Variants in WDFY3 observed in about 807,000 individuals in gnomAD.
The protein encoded by WDFY3 is WD repeat and FYVE domain containing 3, also known as WD repeat and FYVE domain-containing protein 3.
Under a neutral mutation model 409.6 loss-of-function variants are expected in WDFY3, and 66 were observed. That is an observed-to-expected ratio of 0.16 (90% confidence interval 0.13 to 0.20). The LOEUF is 0.20. Among genes scored for constraint, WDFY3 ranks in the 10% least tolerant of loss-of-function variants. WDFY3 has a pLI of 1.00. For synonymous variants in WDFY3, 1,521 were observed against 1,537.1 expected (o/e 0.99, Z 0.25); for missense variants, 3,031 against 4,298.1 (o/e 0.71, Z 8.24).
rs933038872 is a variant in WDFY3 at position 84,893,988 on chromosome 4, C to CA, written c.-32+2922dup. The stretch of plus-strand genomic sequence containing the variant: ...TGGGCGACAGAGCAAGACTCCGTCT[C>CA]AAAAAAAAAAAAAATTAGAAAAAGG... On this transcript the variant is annotated intron_variant, in intron 3 of 67. Coordinates refer to ENST00000295888, the MANE Select transcript of WDFY3 (RefSeq NM_014991.6). 2.2e-3 allele frequency among the ~76,000 whole-genome samples: 251 copies of CA among 116,518 alleles called. 1 individual carries two copies. The highest frequency in any genetic ancestry group is 7.1e-3 in the East Asian group (29 of 4,086). 76.4% of individuals were successfully genotyped at this position (116,518 alleles called of 152,430 possible).
intron 2 of WDFY3, among the ~76,000 whole-genome samples, chr4:84,915,586 C>A (rs1245819557): frequency 6.6e-6 from 1 of 152,166 alleles, no homozygotes; most frequent in Non-Finnish European, 1.5e-5. Context: ...AAGTTAAACT[C>A]ACAAACACTC....
intron 17 of WDFY3, among the ~76,000 whole-genome samples, chr4:84,800,684 T>G (rs1560793142): frequency 6.6e-6 from 1 of 152,110 alleles, no homozygotes; most frequent in Non-Finnish European, 1.5e-5. Context: ...TGGAAGACAA[T>G]TTTTTCACAG....
chr4:84,873,970 G>T (rs1013401226), intron 3 of WDFY3, among the ~76,000 whole-genome samples: 1 of 151,570 alleles, frequency 6.6e-6, no homozygotes, highest in Non-Finnish European at 1.5e-5. Context: ...TTGTAGAGAT[G>T]GAGTTTCGCC....
chr4:84,675,721 A>G (rs1726159242), intron 67 of WDFY3, among the ~76,000 whole-genome samples: 1 of 152,186 alleles, frequency 6.6e-6, no homozygotes, highest in African/African-American at 2.4e-5. Context: ...GCTTTCTATG[A>G]AAGCATCTCT....
chr4:84,840,743 ATTT>A (rs34303681), intron 6 of WDFY3, among the ~76,000 whole-genome samples: 1 of 141,726 alleles, frequency 7.1e-6, no homozygotes, highest in South Asian at 2.3e-4. Flanking sequence ...CGCTCAGCTA[ATTT>A]TTTTTTTTTT....
chr4:84,848,186 T>C (rs1260249313), intron 5 of WDFY3, among the ~76,000 whole-genome samples: 1 of 150,420 alleles, frequency 6.6e-6, no homozygotes, highest in Non-Finnish European at 1.5e-5. Context: ...TAAAAATAGG[T>C]CTACCACAAG....
intron 36 of WDFY3, among the ~76,000 whole-genome samples, chr4:84,750,562 T>C (rs1292023053): frequency 6.6e-6 from 1 of 152,232 alleles, no homozygotes; most frequent in East Asian, 1.9e-4. Context: ...GATTTACTCT[T>C]TCATAAAACA....
intron 61 of WDFY3, among the ~76,000 whole-genome samples, chr4:84,690,191 G>A (rs1729021332): frequency 6.6e-6 from 1 of 152,086 alleles, no homozygotes; most frequent in Non-Finnish European, 1.5e-5. Context: ...TGAGTCAATA[G>A]CAAACATAAT....
intron 17 of WDFY3, among the ~76,000 whole-genome samples, chr4:84,799,571 T>C (rs1750132078): frequency 2.0e-5 from 3 of 152,160 alleles, no homozygotes. Context: ...AACACTGCTA[T>C]TACGAACTTA....
At position 84,682,364 on chromosome 4, in the gene WDFY3, T is replaced by G. The variant is rs577727342; in HGVS notation, c.9823+10A>C. 9.3e-6 allele frequency: 15 copies of G among 1,609,162 alleles called. No individual in the cohort carries two copies. The South Asian group carries it at 1.2e-4, about 13-fold the overall frequency. On this transcript the variant is annotated intron_variant, in intron 64 of 67. Transcript: ENST00000295888. Reference sequence around the variant, plus strand: ...AACGATTTGAGTCATTTTTAGAAAGTATTAAATACCTATTTGTGCTTCTGG... The same window carrying G: ...AACGATTTGAGTCATTTTTAGAAAGGATTAAATACCTATTTGTGCTTCTGG...
chr4:84,700,271 C>T (rs1730866364), intron 56 of WDFY3, among the ~76,000 whole-genome samples: 1 of 152,156 alleles, frequency 6.6e-6, no homozygotes, highest in Non-Finnish European at 1.5e-5. Context: ...GTGGCACGAA[C>T]ACGGCTCACT....
intron 67 of WDFY3, among the ~76,000 whole-genome samples, chr4:84,673,995 T>C (rs1376500052): frequency 6.6e-6 from 1 of 152,090 alleles, no homozygotes; most frequent in African/African-American, 2.4e-5. Context: ...TATAACCTTA[T>C]GGGTTTAAAG....
At chr4:84,675,145 AG>A (rs1372456223) in intron 67 of WDFY3, among the ~76,000 whole-genome samples, 1 of 151,866 alleles carries the variant, frequency 6.6e-6, no homozygotes, top group Non-Finnish European at 1.5e-5. Context: ...TAGTACAGAC[AG>A]GGTTTTGCCA....
rs943206173 is a variant in WDFY3, at chr4:84,698,548, T to C, written c.8597-1725A>G. Among the ~76,000 whole-genome samples the C allele has an allele frequency of 3.3e-5, 5 of 152,146 alleles. No individual in the cohort carries two copies. In the East Asian group the frequency reaches 5.8e-4, roughly 18 times the overall value. On this transcript the variant is annotated intron_variant, in intron 56 of 67. Coordinates refer to ENST00000295888, the MANE Select transcript of WDFY3 (RefSeq NM_014991.6). ...TTGGCCTCCCAAAGTGCTTGAATTATAGGCAAGAGCCAGTGCTCCGCCCTT... is the reference window on the plus strand; with the variant it reads ...TTGGCCTCCCAAAGTGCTTGAATTACAGGCAAGAGCCAGTGCTCCGCCCTT...
At chr4:84,812,951 T>C (rs757563789) in intron 13 of WDFY3, among the ~76,000 whole-genome samples, 53 of 152,134 alleles carry the variant, frequency 3.5e-4, no homozygotes, top group Non-Finnish European at 2.1e-4. Context: ...GCTTGGTTAA[T>C]TAGACAAAAT....
At chr4:84,963,152 G>A (rs1381590487) in intron 1 of WDFY3, among the ~76,000 whole-genome samples, 2 of 150,870 alleles carry the variant, frequency 1.3e-5, no homozygotes, top group African/African-American at 2.4e-5. Context: ...GGCCTGGCAC[G>A]GTGGCTCACG....
intron 56 of WDFY3, among the ~76,000 whole-genome samples, chr4:84,701,295 T>C (rs2148928300): frequency 6.6e-6 from 1 of 152,286 alleles, no homozygotes; most frequent in African/African-American, 2.4e-5. Flanking sequence ...GAAAATCAAT[T>C]TCAGACTTTT....
At chr4:84,692,573 ATTT>A (rs1054137421) in intron 59 of WDFY3, among the ~76,000 whole-genome samples, 1 of 152,014 alleles carries the variant, frequency 6.6e-6, no homozygotes, top group Non-Finnish European at 1.5e-5. Context: ...ATGAAGACAA[ATTT>A]TTTTTATCTA....
intron 1 of WDFY3, among the ~76,000 whole-genome samples, chr4:84,951,079 T>C (rs1773550373): frequency 6.6e-6 from 1 of 152,200 alleles, no homozygotes; most frequent in African/African-American, 2.4e-5. Context: ...TCTTTCCCTC[T>C]TGCCAGGCAA....
Sources: allele counts gnomAD v4.1 joint callset (sites outside exome capture counted in the v4.1 genomes callset), GRCh38; gene constraint gnomAD v4.1.1; transcripts MANE v1.5; gene names NCBI Gene and HGNC (gene_info 2026-07-23, HGNC 2026-07-21).